THSD7B: variants seen among roughly 807,000 people sequenced by gnomAD.
THSD7B encodes thrombospondin type 1 domain containing 7B, also known as thrombospondin type-1 domain-containing protein 7B.
THSD7B carries 138 observed loss-of-function variants against 213.6 expected under a neutral mutation model. The ratio of observed to expected loss-of-function variants is 0.65; its 90% CI spans 0.56 to 0.74. THSD7B has a LOEUF of 0.74. THSD7B is among the 30% of genes least tolerant of loss of function. THSD7B has a pLI of 0.00. For synonymous variants in THSD7B, 742 were observed against 687.0 expected, an observed-to-expected ratio of 1.08 and a Z score of -1.25; for missense variants, 1,931 against 1,991.5, an observed-to-expected ratio of 0.97 and a Z score of 0.58.
rs1682506162 is a variant in THSD7B at position 137,620,813 on chromosome 2, A to G, written c.3799+87A>G. 21 of 1,158,064 alleles carry G rather than the reference A, an allele frequency of 1.8e-5. 1 individual carries two copies. The highest frequency in any genetic ancestry group is 4.0e-4 in the Middle Eastern group (2 of 5,032). 71.7% of individuals were successfully genotyped at this position (1,158,064 alleles called of 1,614,324 possible). A position where few individuals can be genotyped will look rare whatever the true frequency, so the allele number is the denominator to read the frequency against. On this transcript the variant is annotated intron_variant, in intron 20 of 27. Transcript: ENST00000409968. ...CATAGCTTGATAAATGGCATAAGGT[A>G]TGGGACCCAGCTGAAGTCAATATGA...
intron 2 of THSD7B, among the ~76,000 whole-genome samples, chr2:136,915,070 G>T (rs115391274): frequency 6.6e-6 from 1 of 152,082 alleles, no homozygotes; most frequent in African/African-American, 2.4e-5. Context: ...GGTTATCTTC[G>T]ATGGGAGTTG....
At chr2:137,192,773 A>G (rs2105016131) in intron 7 of THSD7B, among the ~76,000 whole-genome samples, 1 of 152,348 alleles carries the variant, frequency 6.6e-6, no homozygotes, top group Middle Eastern at 3.4e-3. Context: ...TATACAGGAA[A>G]AAAACCATTT....
At chr2:137,554,310 C>A (rs932306064) in intron 15 of THSD7B, among the ~76,000 whole-genome samples, 1 of 151,892 alleles carries the variant, frequency 6.6e-6, no homozygotes, top group Non-Finnish European at 1.5e-5. Context: ...TTATGTCTTG[C>A]GAAAAATATG....
chr2:137,140,559 T>G (rs529607539), intron 5 of THSD7B, among the ~76,000 whole-genome samples: 1 of 151,274 alleles, frequency 6.6e-6, no homozygotes, highest in African/African-American at 2.4e-5. Flanking sequence ...ATCCAGTTTC[T>G]TCATTTTCCT....
intron 12 of THSD7B, among the ~76,000 whole-genome samples, chr2:137,356,947 T>TAC (rs369031158): frequency 0.014 from 1,646 of 113,760 alleles, 30 homozygotes; most frequent in African/African-American, 0.047. Flanking sequence ...CACACACACA[T>TAC]ACACACACAC....
chr2:137,389,574 T>G (rs551219997), intron 12 of THSD7B, among the ~76,000 whole-genome samples: 8 of 151,966 alleles, frequency 5.3e-5, no homozygotes, highest in East Asian at 3.9e-4. Context: ...TTTATTTTAC[T>G]ATAGTCCCAT....
intron 15 of THSD7B, among the ~76,000 whole-genome samples, chr2:137,455,130 G>A (rs1218342981): frequency 6.6e-6 from 1 of 152,178 alleles, no homozygotes; most frequent in Admixed American, 6.5e-5. Context: ...GGCAAGGGCT[G>A]TCTTTCTACT....
At chr2:136,969,371 C>A (rs1410978138) in intron 2 of THSD7B, among the ~76,000 whole-genome samples, 1 of 152,132 alleles carries the variant, frequency 6.6e-6, no homozygotes, top group Non-Finnish European at 1.5e-5. Flanking sequence ...TGTAATACCA[C>A]AAAATATTTT....
intron 12 of THSD7B, among the ~76,000 whole-genome samples, chr2:137,299,859 C>A (rs2104844698): frequency 6.6e-6 from 1 of 152,108 alleles, no homozygotes; most frequent in South Asian, 2.1e-4. Flanking sequence ...TTTAAATTTT[C>A]TCTCTGTATA....
chr2:137,060,399 C>CTT (rs34446833), intron 3 of THSD7B, among the ~76,000 whole-genome samples: 13,845 of 146,530 alleles, frequency 0.094, 847 homozygotes, highest in African/African-American at 0.18. Flanking sequence ...TTTCAAGGAT[C>CTT]TTTTTTTTTT....
At chr2:137,183,740 A>C (rs1446397773) in intron 7 of THSD7B, among the ~76,000 whole-genome samples, 1 of 152,118 alleles carries the variant, frequency 6.6e-6, no homozygotes, top group Non-Finnish European at 1.5e-5. Flanking sequence ...CAGTGTCAAA[A>C]CAAGGGACCT....
At chr2:137,014,011 C>A (rs1314909575) in intron 2 of THSD7B, among the ~76,000 whole-genome samples, 1 of 152,178 alleles carries the variant, frequency 6.6e-6, no homozygotes, top group Non-Finnish European at 1.5e-5. Flanking sequence ...CCACAGCTTT[C>A]TAGTTTCTGC....
At chr2:137,471,179 C>A (rs564794861) in intron 15 of THSD7B, among the ~76,000 whole-genome samples, 2 of 152,160 alleles carry the variant, frequency 1.3e-5, no homozygotes, top group South Asian at 2.1e-4. Flanking sequence ...CCTCGGCCCC[C>A]CAAAGTGCTG....
Position 137,656,823 on chromosome 2 carries a change from A to G in THSD7B, c.4133A>G (p.Glu1378Gly). ...GACTGCCATTTAACAGAATGGTCAGAGTGGAGCACATGTGAATTAACCTGC... is the reference window on the plus strand; with the variant it reads ...GACTGCCATTTAACAGAATGGTCAGGGTGGAGCACATGTGAATTAACCTGC... ...PGDCHLTEWSEWSTCELTCID... is the reference protein window; with the variant it reads ...PGDCHLTEWSGWSTCELTCID... Residue 1378 changes from glutamate to glycine, a missense_variant, in exon 23 of 28, where the codon GAG (glutamate) becomes GGG (glycine). Glu to Gly is a moderately conservative substitution (Grantham distance 98). Coordinates refer to ENST00000409968, the MANE Select transcript of THSD7B (RefSeq NM_001316349.2). The G allele has an allele frequency of 6.2e-7, 1 of 1,613,974 alleles. No homozygotes were observed. The highest frequency in any genetic ancestry group is 8.5e-7 in the Non-Finnish European group (1 of 1,179,882).
chr2:137,632,584 G>A (rs990847592), intron 20 of THSD7B, among the ~76,000 whole-genome samples: 2 of 152,204 alleles, frequency 1.3e-5, no homozygotes, highest in African/African-American at 4.8e-5. Context: ...GAATTGAAAT[G>A]TGATTGTTGA....
At chr2:137,382,842 G>A (rs1685807554) in intron 12 of THSD7B, among the ~76,000 whole-genome samples, 1 of 152,180 alleles carries the variant, frequency 6.6e-6, no homozygotes, top group Admixed American at 6.5e-5. Flanking sequence ...ACTGTTTAAG[G>A]AAGGGTGTCC....
At chr2:136,938,228 G>T (rs1232784544) in intron 2 of THSD7B, among the ~76,000 whole-genome samples, 1 of 152,132 alleles carries the variant, frequency 6.6e-6, no homozygotes, top group Non-Finnish European at 1.5e-5. Context: ...ACAGCAGATT[G>T]TGAGATTTTA....
rs970115047 is a variant in THSD7B at position 137,537,286 on chromosome 2, G to A, written c.3139-25935G>A. ...AATTATGTCTACTACATATGAAGCC[G>A]ACTTTTCCCTGATGTCAGGAATTTT... On this transcript the variant is annotated intron_variant, in intron 15 of 27. Coordinates refer to ENST00000409968, the MANE Select transcript of THSD7B (RefSeq NM_001316349.2). Among the ~76,000 whole-genome samples the A allele has an allele frequency of 9.2e-5, 14 of 151,810 alleles. 1 individual carries two copies. The highest frequency in any genetic ancestry group is 6.2e-4 in the South Asian group (3 of 4,818).
chr2:137,350,982 G>A (rs1901803), intron 12 of THSD7B, among the ~76,000 whole-genome samples: 84,664 of 151,588 alleles, frequency 0.56, 26,673 homozygotes, highest in East Asian at 0.77. Context: ...AGTTTGAAGA[G>A]CCTGACAAAA....
Sources: allele counts gnomAD v4.1 joint callset (sites outside exome capture counted in the v4.1 genomes callset), GRCh38; gene constraint gnomAD v4.1.1; transcripts MANE v1.5; gene names NCBI Gene and HGNC (gene_info 2026-07-23, HGNC 2026-07-21).